CADM2: variants seen among roughly 807,000 people sequenced by gnomAD.
The protein encoded by CADM2 is cell adhesion molecule 2.
CADM2 carries 12 observed loss-of-function variants against 49.8 expected under a neutral mutation model. The observed-to-expected ratio is 0.24, with a 90% CI of 0.15 to 0.39. The LOEUF is 0.39. CADM2 is among the 10% of genes least tolerant of loss of function. The pLI is 1.00. For synonymous variants in CADM2, 214 were observed against 175.4 expected (o/e 1.22, Z -1.74); for missense variants, 378 against 492.3 (o/e 0.77, Z 2.20).
chr3:85,604,678 G>A lies in CADM2; in HGVS notation c.62-121844G>A, dbSNP rs972079491. ...CATATCATAGCAAAGATCAATGCTA[G>A]CATCTTTTTGTTGTCTGTTAATTAA... On this transcript the variant is annotated intron_variant, in intron 1 of 9. Coordinates refer to ENST00000383699, the MANE Select transcript of CADM2 (RefSeq NM_001167675.2). Among the ~76,000 whole-genome samples, 89 of 152,000 alleles carry A rather than the reference G, an allele frequency of 5.9e-4. 2 individuals are homozygous for A. Among genetic ancestry groups the A allele is most frequent in the Non-Finnish European group, 7.4e-5 (5 of 67,900 alleles).
chr3:85,628,084 C>T (rs2064179275), intron 1 of CADM2, among the ~76,000 whole-genome samples: 1 of 152,050 alleles, frequency 6.6e-6, no homozygotes, highest in South Asian at 2.1e-4. Flanking sequence ...TCATTTGCAG[C>T]CTCCTACTGG....
intron 5 of CADM2, among the ~76,000 whole-genome samples, chr3:85,897,226 T>A (rs1372171749): frequency 2.1e-5 from 3 of 144,862 alleles, no homozygotes; most frequent in Non-Finnish European, 3.0e-5. Context: ...CAACAATAAT[T>A]GCTTTAACCT....
At chr3:85,372,014 A>C (rs1336761640) in intron 1 of CADM2, among the ~76,000 whole-genome samples, 1 of 151,848 alleles carries the variant, frequency 6.6e-6, no homozygotes, top group Admixed American at 6.6e-5. Context: ...TGGAGATATG[A>C]AATAATATTA....
intron 1 of CADM2, among the ~76,000 whole-genome samples, chr3:85,114,865 A>G (rs572393384): frequency 6.6e-6 from 1 of 152,258 alleles, no homozygotes; most frequent in East Asian, 1.9e-4. Context: ...ACCATTTATT[A>G]TGTTAAAGGG....
chr3:85,267,546 T>C (rs1415151744), intron 1 of CADM2, among the ~76,000 whole-genome samples: 2 of 151,680 alleles, frequency 1.3e-5, no homozygotes, highest in African/African-American at 4.8e-5. Flanking sequence ...CAATGTGTTT[T>C]ACTTATTTAT....
chr3:85,345,822 G>A (rs2030579883), intron 1 of CADM2, among the ~76,000 whole-genome samples: 1 of 152,162 alleles, frequency 6.6e-6, no homozygotes, highest in Non-Finnish European at 1.5e-5. Flanking sequence ...TCGTAATTTG[G>A]TCATATACAA....
At chr3:85,383,503 C>CATATAT (rs1241135851) in intron 1 of CADM2, among the ~76,000 whole-genome samples, 2,145 of 108,908 alleles carry the variant, frequency 0.02, 58 homozygotes, top group Non-Finnish European at 0.029. Context: ...TACATAAAAC[C>CATATAT]ATATATATAT....
intron 1 of CADM2, among the ~76,000 whole-genome samples, chr3:85,353,145 T>G (rs2107245381): frequency 6.6e-6 from 1 of 152,200 alleles, no homozygotes; most frequent in South Asian, 2.1e-4. Flanking sequence ...TTTTTATGCC[T>G]TGAAAAATTG....
intron 1 of CADM2, among the ~76,000 whole-genome samples, chr3:85,627,384 C>T (rs532795291): frequency 8.0e-4 from 121 of 151,910 alleles, no homozygotes; most frequent in Admixed American, 1.3e-3. Flanking sequence ...GATATGTACA[C>T]ATCCATGTAT....
chr3:85,530,354 G>A (rs190777270), intron 1 of CADM2, among the ~76,000 whole-genome samples: 1 of 112,884 alleles, frequency 8.9e-6, no homozygotes, highest in African/African-American at 4.6e-5. Context: ...TTTTTGAGAC[G>A]GAGTCTCACT....
intron 2 of CADM2, among the ~76,000 whole-genome samples, chr3:85,733,576 G>A (rs1456762959): frequency 1.3e-5 from 2 of 152,056 alleles, no homozygotes; most frequent in East Asian, 3.8e-4. Flanking sequence ...TTGATTTAAT[G>A]GAGGTGCATT....
intron 1 of CADM2, among the ~76,000 whole-genome samples, chr3:85,102,920 T>G (rs1471206616): frequency 2.0e-5 from 3 of 152,066 alleles, no homozygotes; most frequent in African/African-American, 4.8e-5. Context: ...TCACAGGCCT[T>G]GTGAGTCAAT....
At chr3:85,555,627 A>G (rs530990978) in intron 1 of CADM2, among the ~76,000 whole-genome samples, 55 of 152,218 alleles carry the variant, frequency 3.6e-4, no homozygotes, top group African/African-American at 1.3e-3. Flanking sequence ...ATTTTTGTTC[A>G]ATATATTTCC....
At chr3:85,363,421 C>A (rs1025729989) in intron 1 of CADM2, among the ~76,000 whole-genome samples, 1 of 151,958 alleles carries the variant, frequency 6.6e-6, no homozygotes, top group African/African-American at 2.4e-5. Flanking sequence ...ATAGCATTTC[C>A]TGTTGAGCTG....
intron 1 of CADM2, among the ~76,000 whole-genome samples, chr3:85,086,842 G>A (rs13060259): frequency 5.3e-5 from 8 of 151,984 alleles, no homozygotes; most frequent in Admixed American, 2.0e-4. Context: ...TTTATTTATC[G>A]CAGCATGTCC....
chr3:86,001,560 A>G (rs1730197249), intron 8 of CADM2, among the ~76,000 whole-genome samples: 1 of 152,132 alleles, frequency 6.6e-6, no homozygotes, highest in African/African-American at 2.4e-5. Context: ...AGGCTTCTAG[A>G]GAGTGATGGT....
chr3:85,156,402 C>T (rs1264250510), intron 1 of CADM2, among the ~76,000 whole-genome samples: 1 of 152,108 alleles, frequency 6.6e-6, no homozygotes, highest in African/African-American at 2.4e-5. Flanking sequence ...TCGACACATA[C>T]ACTCTCCCAA....
chr3:85,615,504 G>A (rs935837415), intron 1 of CADM2, among the ~76,000 whole-genome samples: 2 of 151,728 alleles, frequency 1.3e-5, no homozygotes, highest in African/African-American at 4.8e-5. Flanking sequence ...ATTCATTCTA[G>A]GTATTGTAAA....
At chr3:85,716,369 A>G (rs1271827931) in intron 1 of CADM2, among the ~76,000 whole-genome samples, 2 of 152,024 alleles carry the variant, frequency 1.3e-5, no homozygotes, top group African/African-American at 4.8e-5. Context: ...TTTTCTTGTA[A>G]ACTTACTTAA....
Sources: gnomAD v4.1 joint callset for allele counts (sites outside exome capture counted in the v4.1 genomes callset) on GRCh38, gnomAD v4.1.1 for gene constraint, MANE v1.5 for transcripts, NCBI Gene and HGNC (gene_info 2026-07-23, HGNC 2026-07-21) for gene names.